CTNND2: variants seen among roughly 807,000 people sequenced by gnomAD.
CTNND2 encodes catenin delta 2, also known as catenin delta-2.
Under a neutral mutation model 144.4 loss-of-function variants are expected in CTNND2, and 22 were observed. The observed-to-expected ratio is 0.15, with a 90% confidence interval of 0.11 to 0.22. The LOEUF (loss-of-function observed/expected upper bound fraction) is 0.22, where lower values mean the gene tolerates loss of function less well. Ranked by LOEUF, CTNND2 falls within the 10% of genes least tolerant of loss-of-function variation. The pLI, the probability that CTNND2 is intolerant of heterozygous loss-of-function variation, is 1.00. For synonymous variants in CTNND2, 751 were observed against 695.6 expected, an observed-to-expected ratio of 1.08 and a Z score of -1.25; for missense variants, 1,353 against 1,618.8, an observed-to-expected ratio of 0.84 and a Z score of 2.82.
At chr5:11,143,620 T>A (rs183034205) in intron 12 of CTNND2, among the ~76,000 whole-genome samples, 1 of 152,338 alleles carries the variant, frequency 6.6e-6, no homozygotes, top group African/African-American at 2.4e-5. Context: ...TAAACTAACT[T>A]TATCAGCAAT....
chr5:11,727,043 C>T (rs939603617), intron 2 of CTNND2, among the ~76,000 whole-genome samples: 1 of 152,120 alleles, frequency 6.6e-6, no homozygotes, highest in African/African-American at 2.4e-5. Flanking sequence ...GAATTATTCA[C>T]CCATAACTGG....
intron 16 of CTNND2, among the ~76,000 whole-genome samples, chr5:11,049,763 G>A (rs1421356266): frequency 6.6e-6 from 1 of 152,154 alleles, no homozygotes; most frequent in Non-Finnish European, 1.5e-5. Flanking sequence ...TACCACTTGT[G>A]CAAAAGCAAC....
At chr5:11,839,997 A>C (rs1794375556) in intron 1 of CTNND2, among the ~76,000 whole-genome samples, 1 of 152,248 alleles carries the variant, frequency 6.6e-6, no homozygotes. Flanking sequence ...CTCTGAATCC[A>C]AAATTCAAGT....
intron 2 of CTNND2, among the ~76,000 whole-genome samples, chr5:11,585,169 T>G (rs1387424111): frequency 6.6e-6 from 1 of 151,854 alleles, no homozygotes; most frequent in Non-Finnish European, 1.5e-5. Context: ...TCACTAAGAG[T>G]CTGTCTGATA....
At chr5:11,047,523 A>G (rs1375609440) in intron 16 of CTNND2, among the ~76,000 whole-genome samples, 3 of 152,206 alleles carry the variant, frequency 2.0e-5, no homozygotes, top group Non-Finnish European at 2.9e-5. Flanking sequence ...CTCCATGTCT[A>G]CATACACACA....
intron 3 of CTNND2, among the ~76,000 whole-genome samples, chr5:11,471,435 G>T (rs1479700292): frequency 6.6e-6 from 1 of 152,040 alleles, no homozygotes; most frequent in Non-Finnish European, 1.5e-5. Flanking sequence ...TTAACAAAGA[G>T]AATCAAGGAC....
intron 16 of CTNND2, among the ~76,000 whole-genome samples, chr5:11,081,832 G>A (rs748851637): frequency 6.6e-6 from 1 of 152,184 alleles, no homozygotes; most frequent in Non-Finnish European, 1.5e-5. Context: ...CTGGAGAAGG[G>A]GGATGGAGAG....
intron 3 of CTNND2, among the ~76,000 whole-genome samples, chr5:11,416,462 G>C (rs1761945700): frequency 6.6e-6 from 1 of 152,130 alleles, no homozygotes; most frequent in African/African-American, 2.4e-5. Flanking sequence ...ACAGAGAATG[G>C]AAGTCCCAAG....
intron 12 of CTNND2, among the ~76,000 whole-genome samples, chr5:11,139,213 G>A (rs548279515): frequency 2.0e-4 from 31 of 152,158 alleles, no homozygotes; most frequent in South Asian, 1.2e-3. Context: ...CACTCACCTC[G>A]GCCTCCCAAA....
At chr5:11,058,573 CG>C (rs1210777697) in intron 16 of CTNND2, among the ~76,000 whole-genome samples, 3 of 152,190 alleles carry the variant, frequency 2.0e-5, no homozygotes, top group Non-Finnish European at 2.9e-5. Flanking sequence ...AACCTCTGCT[CG>C]GGCAGTGCGA....
chr5:11,288,102 T>C (rs1466736486), intron 9 of CTNND2, among the ~76,000 whole-genome samples: 1 of 152,226 alleles, frequency 6.6e-6, no homozygotes, highest in Non-Finnish European at 1.5e-5. Context: ...ATTAAACTAC[T>C]GTAGGCAGAT....
At chr5:11,748,535 C>A (rs1302941857) in intron 1 of CTNND2, among the ~76,000 whole-genome samples, 1 of 152,044 alleles carries the variant, frequency 6.6e-6, no homozygotes, top group African/African-American at 2.4e-5. Context: ...CCCAGCCTTA[C>A]TTTTTTGCCA....
At chr5:11,564,219 A>G (rs1311729124) in intron 3 of CTNND2, among the ~76,000 whole-genome samples, 1 of 152,196 alleles carries the variant, frequency 6.6e-6, no homozygotes, top group African/African-American at 2.4e-5. Context: ...TCTCCCTAAA[A>G]ATGTAGTAGA....
chr5:11,168,303 C>A (rs533620029), intron 11 of CTNND2, among the ~76,000 whole-genome samples: 8 of 152,268 alleles, frequency 5.3e-5, no homozygotes, highest in African/African-American at 1.9e-4. Context: ...CTATCTGCAA[C>A]TGGCAATGCA....
intron 18 of CTNND2, among the ~76,000 whole-genome samples, chr5:11,001,398 G>A (rs1417767908): frequency 6.6e-6 from 1 of 152,128 alleles, no homozygotes; most frequent in African/African-American, 2.4e-5. Flanking sequence ...CTTTAGCAAT[G>A]CAGGCTGTCT....
chr5:11,616,419 T>C (rs1230029078), intron 2 of CTNND2, among the ~76,000 whole-genome samples: 1 of 152,178 alleles, frequency 6.6e-6, no homozygotes, highest in Non-Finnish European at 1.5e-5. Flanking sequence ...TACTTTCACA[T>C]CTGCAGTATC....
At chr5:11,768,566 T>C (rs528611076) in intron 1 of CTNND2, among the ~76,000 whole-genome samples, 1 of 152,294 alleles carries the variant, frequency 6.6e-6, no homozygotes, top group Admixed American at 6.5e-5. Context: ...GCTAGGATTA[T>C]AGGTGTGTGC....
chr5:10,983,191 G>T (rs1003320036), intron 20 of CTNND2, among the ~76,000 whole-genome samples: 4 of 152,134 alleles, frequency 2.6e-5, no homozygotes, highest in Admixed American at 2.6e-4. Flanking sequence ...AATGTTTAAG[G>T]TGATGGTATC....
At chr5:11,766,987 C>T (rs889747636) in intron 1 of CTNND2, among the ~76,000 whole-genome samples, 12 of 151,970 alleles carry the variant, frequency 7.9e-5, no homozygotes, top group African/African-American at 2.4e-4. Context: ...CAGAGCTCAC[C>T]CTGAGACCCA....
Sources: allele counts gnomAD v4.1 joint callset (sites outside exome capture counted in the v4.1 genomes callset), GRCh38; gene constraint gnomAD v4.1.1; transcripts MANE v1.5; gene names NCBI Gene and HGNC (gene_info 2026-07-23, HGNC 2026-07-21).